ZDHHC13: variants seen among roughly 807,000 people sequenced by gnomAD.
The protein encoded by ZDHHC13 is palmitoyltransferase ZDHHC13.
Under a neutral mutation model 86.0 loss-of-function variants are expected in ZDHHC13, and 85 were observed. The observed-to-expected ratio is 0.99, with a 90% CI of 0.83 to 1.18. The LOEUF (loss-of-function observed/expected upper bound fraction) is 1.18. ZDHHC13 is among the 50% of genes most tolerant of loss of function. ZDHHC13 has a pLI of 0.00. For synonymous variants in ZDHHC13, 263 were observed against 246.4 expected (o/e 1.07, Z -0.63); for missense variants, 711 against 730.2 (o/e 0.97, Z 0.30).
intron 1 of ZDHHC13, among the ~76,000 whole-genome samples, chr11:19,130,769 T>C (rs914865500): frequency 6.6e-6 from 1 of 152,194 alleles, no homozygotes; most frequent in African/African-American, 2.4e-5. Flanking sequence ...GCTTGCCTTA[T>C]GTCTGATGAG....
chr11:19,173,375 T>C (rs1048971621), intron 16 of ZDHHC13, among the ~76,000 whole-genome samples: 1 of 152,328 alleles, frequency 6.6e-6, no homozygotes. Context: ...AGAGTATGTA[T>C]AGAAAGACCT....
chr11:19,168,118 T>C (rs1850123769), intron 14 of ZDHHC13: 1 of 152,192 alleles, frequency 6.6e-6, no homozygotes, highest in Non-Finnish European at 1.5e-5. Context: ...TTTTAAAACT[T>C]CTTAGATTAT....
At chr11:19,124,109 T>C (rs1338894410) in intron 1 of ZDHHC13, among the ~76,000 whole-genome samples, 6 of 152,098 alleles carry the variant, frequency 3.9e-5, no homozygotes. Context: ...AATCAACCTG[T>C]GTCTCTAACC....
intron 14 of ZDHHC13, chr11:19,169,820 T>G: frequency 1.0e-5 from 10 of 985,600 alleles, no homozygotes; most frequent in Non-Finnish European, 1.2e-5. Flanking sequence ...TGAATCTTGC[T>G]CTATATTCTT....
At chr11:19,117,155 A>C (rs1349337814), upstream of ZDHHC13, 6 of 1,373,382 alleles carry the variant, frequency 4.4e-6, no homozygotes, top group African/African-American at 4.3e-5. The surrounding 1 kb of genome is among the most constrained non-coding windows in gnomAD (Gnocchi z 4.2). Context: ...GGGCGCCAGC[A>C]GGAAGTGGGA....
chr11:19,143,545 C>G (rs1016715423), intron 2 of ZDHHC13, among the ~76,000 whole-genome samples: 1 of 152,194 alleles, frequency 6.6e-6, no homozygotes, highest in Non-Finnish European at 1.5e-5. Flanking sequence ...CTGACTTACA[C>G]ATTTATAGAT....
intron 1 of ZDHHC13, among the ~76,000 whole-genome samples, chr11:19,140,225 A>C (rs1230198334): frequency 2.0e-5 from 3 of 150,246 alleles, no homozygotes; most frequent in Non-Finnish European, 4.4e-5. Context: ...ACAAGAAAAA[A>C]ACAAACAACC....
chr11:19,164,777 G>T (rs1850012124), intron 12 of ZDHHC13: 3 of 441,126 alleles, frequency 6.8e-6, no homozygotes, highest in Non-Finnish European at 1.2e-5. Flanking sequence ...TCCTTCCCTT[G>T]GTTGAGTGCT....
intron 7 of ZDHHC13, 76 bp downstream of exon 7, chr11:19,152,396 C>A: frequency 6.6e-7 from 1 of 1,521,676 alleles, no homozygotes; most frequent in Non-Finnish European, 8.8e-7. Context: ...TAAAGATAAG[C>A]TATATAATTG....
intron 4 of ZDHHC13, among the ~76,000 whole-genome samples, chr11:19,148,453 A>G (rs922771304): frequency 6.6e-6 from 1 of 152,142 alleles, no homozygotes; most frequent in Non-Finnish European, 1.5e-5. Flanking sequence ...ATGAATATAT[A>G]GCTCTTAATA....
chr11:19,147,779 C>T lies in ZDHHC13; in HGVS notation c.374+106C>T, dbSNP rs565783650. 6 of 762,734 alleles carry T rather than the reference C, an allele frequency of 7.9e-6. No homozygotes were observed. The African/African-American group carries it at 1.1e-4, about 14-fold the overall frequency. 47.2% of individuals were successfully genotyped at this position (762,734 alleles called of 1,614,324 possible). ...TGAAAGGCTGTCTTTTCTTCCCCCC[C>T]CCCCTTTATTTAAAAATAAATTTCA... is the stretch of plus-strand genomic sequence containing the variant. On this transcript the variant is annotated intron_variant, in intron 4 of 16. Coordinates refer to ENST00000446113, the MANE Select transcript of ZDHHC13 (RefSeq NM_019028.3).
chr11:19,160,067 C>T (rs1849869201), intron 10 of ZDHHC13, among the ~76,000 whole-genome samples: 2 of 151,918 alleles, frequency 1.3e-5, no homozygotes, highest in Admixed American at 1.3e-4. Flanking sequence ...TTATGGGAGA[C>T]ATGCATAAAC....
chr11:19,170,670 C>T (rs1850197983), intron 15 of ZDHHC13, 102 bp downstream of exon 15: 1 of 1,130,496 alleles, frequency 8.8e-7, no homozygotes, highest in Non-Finnish European at 1.2e-6. Flanking sequence ...CTGTTTTTAC[C>T]TCTGTCACTG....
At chr11:19,142,668 T>A (rs985637874) in intron 1 of ZDHHC13, among the ~76,000 whole-genome samples, 74 of 152,178 alleles carry the variant, frequency 4.9e-4, no homozygotes, top group African/African-American at 1.7e-3. Context: ...TTGGATTTTT[T>A]GTAATAGTAA....
At chr11:19,170,375 C>T (rs1590093688) in intron 14 of ZDHHC13, 36 bp from the exon 15 acceptor site, 53 of 1,235,172 alleles carry the variant, frequency 4.3e-5, no homozygotes, top group East Asian at 2.8e-4. Flanking sequence ...AGTTTATTGC[C>T]TTTTTTTTTT....
chr11:19,153,604 G>A (rs1210683567), intron 8 of ZDHHC13, among the ~76,000 whole-genome samples: 1 of 152,042 alleles, frequency 6.6e-6, no homozygotes, highest in Non-Finnish European at 1.5e-5. Flanking sequence ...TCTCTTGTTG[G>A]TAGGGTGCCC....
At chr11:19,123,398 G>A (rs559212407) in intron 1 of ZDHHC13, among the ~76,000 whole-genome samples, 2 of 152,160 alleles carry the variant, frequency 1.3e-5, no homozygotes, top group East Asian at 1.9e-4. Flanking sequence ...AGGCCAAGAC[G>A]GAAGGATAAC....
intron 11 of ZDHHC13, 23 bp from the exon 12 acceptor site, chr11:19,164,278 A>C (rs1849993950): frequency 1.2e-6 from 2 of 1,611,570 alleles, no homozygotes; most frequent in Non-Finnish European, 1.7e-6. Context: ...ATGTGGTAAT[A>C]GGTCAAACTT....
intron 1 of ZDHHC13, among the ~76,000 whole-genome samples, chr11:19,129,279 T>A (rs1431621399): frequency 1.3e-5 from 2 of 152,220 alleles, no homozygotes; most frequent in African/African-American, 2.4e-5. Flanking sequence ...TCTGGTACTT[T>A]AGTACAGTGT....
Sources: gnomAD v4.1 joint callset for allele counts (sites outside exome capture counted in the v4.1 genomes callset) on GRCh38, gnomAD v4.1.1 for gene constraint, Gnocchi (gnomAD v3.1) non-coding constraint, MANE v1.5 for transcripts, NCBI Gene and HGNC (gene_info 2026-07-23, HGNC 2026-07-21) for gene names.